RNF112: variants seen among roughly 807,000 people sequenced by gnomAD.
The protein encoded by RNF112 is ring finger protein 112.
In RNF112, 34 loss-of-function variants were observed where a neutral mutation model predicts 64.7. The ratio of observed to expected loss-of-function variants is 0.53; its 90% confidence interval spans 0.40 to 0.70. RNF112 has a LOEUF of 0.70. Ranked by LOEUF, RNF112 falls within the 30% of genes least tolerant of loss-of-function variation. RNF112 has a pLI of 0.00. For synonymous variants in RNF112, 345 were observed against 344.5 expected (o/e 1.00, Z -0.02); for missense variants, 734 against 850.0 (o/e 0.86, Z 1.70).
rs1462885102 is a variant in RNF112 at position 19,415,354 on chromosome 17, G to A, written c.1350+15G>A. ...CTCCGGATGAGGTATGAGCGCTGGG[G>A]GATCCAGCATTCTGGCAGGGAGACA... On this transcript the variant is annotated intron_variant, in intron 12 of 13. Coordinates refer to ENST00000461366, the MANE Select transcript of RNF112 (RefSeq NM_007148.5). This position sits in a 1 kb window ranked among gnomAD's most constrained non-coding sequence, Gnocchi z 7.8. 2 of 1,592,488 alleles carry A rather than the reference G, an allele frequency of 1.3e-6. No homozygotes were observed. Among genetic ancestry groups the A allele is most frequent in the Non-Finnish European group, 8.6e-7 (1 of 1,169,012 alleles).
Position 19,411,306 on chromosome 17 carries a change from G to GCAGCCTGCTAGCCTTT in RNF112, c.-101_-86dup. 8.9e-7 allele frequency: 1 copy of GCAGCCTGCTAGCCTTT among 1,118,284 alleles called. No individual in the cohort carries two copies. Among genetic ancestry groups the GCAGCCTGCTAGCCTTT allele is most frequent in the South Asian group, 1.4e-5 (1 of 70,380 alleles). 69.3% of individuals were successfully genotyped at this position (1,118,284 alleles called of 1,614,324 possible). A position where few individuals can be genotyped will look rare whatever the true frequency, so the allele number is the denominator to read the frequency against. ...CCCCCGACCTCACCTTCTACCTACCGCAGCCTGCTAGCCTTTCCGGGAGAA... is the reference window on the plus strand; with the variant it reads ...CCCCCGACCTCACCTTCTACCTACCGCAGCCTGCTAGCCTTTCAGCCTGCTAGCCTTTCCGGGAGAA... On this transcript the variant is annotated 5_prime_UTR_variant, in exon 1 of 14. Transcript: ENST00000461366.
chr17:19,411,859 G>T, intron 2 of RNF112, 189 bp downstream of exon 2: 1 of 647,332 alleles, frequency 1.5e-6, no homozygotes, highest in Non-Finnish European at 2.7e-6. Context: ...GCAGATGCCA[G>T]CTCAGAGCAG....
In RNF112 at chr17:19,413,583, G is replaced by T. The variant is rs762452627; in HGVS notation, c.727G>T (p.Val243Leu). 3.7e-6 allele frequency: 6 copies of T among 1,612,848 alleles called. No individual in the cohort carries two copies. The highest frequency in any genetic ancestry group is 5.1e-6 in the Non-Finnish European group (6 of 1,179,404). ...TTCCCTACCCCCTGCATAGGTGGCG[G>T]TGTTCCTGGTGGACACAGGGGATGC... ...LLGKEGKKVAVFLVDTGDAMS... is the reference protein window; with the variant it reads ...LLGKEGKKVALFLVDTGDAMS... The change falls in exon 6 of 14, where the codon GTG (valine) becomes TTG (leucine). Residue 243 changes from valine to leucine, a missense_variant. Coordinates refer to ENST00000461366, the MANE Select transcript of RNF112 (RefSeq NM_007148.5). This position sits in a 1 kb window ranked among gnomAD's most constrained non-coding sequence, Gnocchi z 5.9.
chr17:19,411,947 C>CT lies in RNF112; in HGVS notation c.95+278dup, dbSNP rs1442445267. ...GGCTGATGGCTTCTCCTCACTGTCCCTGTAGCATGGGGTTGTGGAGGGTAT... is the reference window on the plus strand; with the variant it reads ...GGCTGATGGCTTCTCCTCACTGTCCCTTGTAGCATGGGGTTGTGGAGGGTAT... On this transcript the variant is annotated intron_variant, in intron 2 of 13. Coordinates refer to ENST00000461366, the MANE Select transcript of RNF112 (RefSeq NM_007148.5). 8.8e-6 allele frequency: 5 copies of CT among 568,980 alleles called. No individual in the cohort carries two copies. The African/African-American group carries it at 9.4e-5, about 11-fold the overall frequency. 35.2% of individuals were successfully genotyped at this position (568,980 alleles called of 1,614,324 possible). A position where few individuals can be genotyped will look rare whatever the true frequency, so the allele number is the denominator to read the frequency against.
At position 19,413,383 on chromosome 17, in the gene RNF112, C is replaced by T; in HGVS notation, c.692C>T (p.Pro231Leu). The T allele has an allele frequency of 1.9e-6, 3 of 1,612,636 alleles. No homozygotes were observed. The highest frequency in any genetic ancestry group is 8.5e-7 in the Non-Finnish European group (1 of 1,179,164). ...LARGIWMWSHPFLLGKEGKKV... is the reference protein window; with the variant it reads ...LARGIWMWSHLFLLGKEGKKV... ...AGGGGCATATGGATGTGGAGCCACC[C>T]CTTCTTGCTGGGGAAAGAAGGGAAG... The change falls in exon 5 of 14, where the codon CCC (proline) becomes CTC (leucine). Residue 231 changes from proline to leucine, a missense_variant. Transcript: ENST00000461366. The surrounding 1 kb of genome is among the most constrained non-coding windows in gnomAD (Gnocchi z 5.9).
chr17:19,414,900 G>A lies in RNF112; in HGVS notation c.1126+13G>A, dbSNP rs1223280889. On this transcript the variant is annotated intron_variant, in intron 10 of 13. Coordinates refer to ENST00000461366, the MANE Select transcript of RNF112 (RefSeq NM_007148.5). ...GCAAGCCCTGGTGGTGAGTGTCTCT[G>A]AGAGCTGAACCTCTCTTGCGCTGCT... 1 of 1,612,094 alleles carries A rather than the reference G, an allele frequency of 6.2e-7. No homozygotes were observed. Among genetic ancestry groups the A allele is most frequent in the Non-Finnish European group, 8.5e-7 (1 of 1,179,158 alleles).
Position 19,414,663 on chromosome 17 carries a change from G to A in RNF112, c.1008+3G>A. 6.2e-7 allele frequency: 1 copy of A among 1,611,840 alleles called. No individual in the cohort carries two copies. Among genetic ancestry groups the A allele is most frequent in the Admixed American group, 1.7e-5 (1 of 60,008 alleles). ...GGCATGTAGGCAACATCTTCCAGGT[G>A]AGTGGTGCAAGGGGATGGGGTGGAG... On this transcript the variant is annotated splice_donor_region_variant and intron_variant, in intron 9 of 13. Coordinates refer to ENST00000461366, the MANE Select transcript of RNF112 (RefSeq NM_007148.5).
chr17:19,415,006 G>A lies in RNF112; in HGVS notation c.1127-32G>A, dbSNP rs780789664. On this transcript the variant is annotated intron_variant, in intron 10 of 13. Coordinates refer to ENST00000461366, the MANE Select transcript of RNF112 (RefSeq NM_007148.5). The surrounding 1 kb of genome is among the most constrained non-coding windows in gnomAD (Gnocchi z 7.8). ...GACACCCCTTCTCCTCCCAAAGCCCGCAGTCTCTCAGCATGCACATCTCTC... is the reference window on the plus strand; with the variant it reads ...GACACCCCTTCTCCTCCCAAAGCCCACAGTCTCTCAGCATGCACATCTCTC... 143 of 1,579,858 alleles carry A rather than the reference G, an allele frequency of 9.1e-5. No individual in the cohort carries two copies. Among genetic ancestry groups the A allele is most frequent in the Non-Finnish European group, 1.1e-4 (129 of 1,160,088 alleles).
chr17:19,412,644 T>A lies in RNF112; in HGVS notation c.242T>A (p.Phe81Tyr). 1 of 1,613,402 alleles carries A rather than the reference T, an allele frequency of 6.2e-7. No individual in the cohort carries two copies. Among genetic ancestry groups the A allele is most frequent in the Non-Finnish European group, 8.5e-7 (1 of 1,179,744 alleles). The part of the protein sequence containing the change: ...DCGHDFCIRC[F>Y]STHRLPGCEP... The stretch of plus-strand genomic sequence containing the variant: ...GGCCACGACTTCTGCATACGGTGCT[T>A]CAGCACACACCGTCTCCCGGGCTGT... The change falls in exon 3 of 14, where the codon TTC becomes TAC. Residue 81 changes from phenylalanine to tyrosine, a missense_variant. Physicochemically the swap from Phe to Tyr is conservative, Grantham distance 22 (BLOSUM62 3). Coordinates refer to ENST00000461366, the MANE Select transcript of RNF112 (RefSeq NM_007148.5). The surrounding 1 kb of genome is among the most constrained non-coding windows in gnomAD (Gnocchi z 5.1).
chr17:19,415,622 T>A lies in RNF112; in HGVS notation c.1425+30T>A. The A allele has an allele frequency of 1.9e-6, 3 of 1,608,822 alleles. No homozygotes were observed. The highest frequency in any genetic ancestry group is 2.5e-6 in the Non-Finnish European group (3 of 1,177,428). On this transcript the variant is annotated intron_variant, in intron 13 of 13. Coordinates refer to ENST00000461366, the MANE Select transcript of RNF112 (RefSeq NM_007148.5). This position sits in a 1 kb window ranked among gnomAD's most constrained non-coding sequence, Gnocchi z 7.8. ...GCCCCGGGGCTGCACGGGAGGCAGG[T>A]GTGGGCCGGGCAGGGTCCAGATCAG...
rs1221077125 is a variant in RNF112, at chr17:19,416,169, A to C, written c.1890A>C (p.Glu630Asp). The C allele has an allele frequency of 6.4e-7, 1 of 1,555,356 alleles. No individual in the cohort carries two copies. The highest frequency in any genetic ancestry group is 8.7e-7 in the Non-Finnish European group (1 of 1,150,000). Residue 630 changes from glutamate (E) to aspartate (D), a missense_variant, in exon 14 of 14, where the codon GAA (glutamate) becomes GAC (aspartate). Physicochemically the swap from Glu to Asp is conservative, Grantham distance 45 (BLOSUM62 2). Coordinates refer to ENST00000461366, the MANE Select transcript of RNF112 (RefSeq NM_007148.5). ...GGGACCGAGAGCCCCTTCTCCAGGA[A>C]GAGTAACAGCCCCAGGAGGTATTGA... is the stretch of plus-strand genomic sequence containing the variant. ...LEGDREPLLQEE is the reference protein window; with the variant it reads ...LEGDREPLLQDE
In RNF112 at chr17:19,415,703, A is replaced by G; in HGVS notation, c.1426-2A>G. On this transcript the variant is annotated splice_acceptor_variant, in intron 13 of 13. Transcript: ENST00000461366. LOFTEE classifies it high-confidence loss of function. The surrounding 1 kb of genome is among the most constrained non-coding windows in gnomAD (Gnocchi z 7.8). ...CACCTTCTTTTCCCCTCCCTGTCACAGGACGTAGCCACCAAGCGCATATTC... is the reference window on the plus strand; with the variant it reads ...CACCTTCTTTTCCCCTCCCTGTCACGGGACGTAGCCACCAAGCGCATATTC... 6.2e-7 allele frequency: 1 copy of G among 1,605,350 alleles called. No homozygotes were observed. The highest frequency in any genetic ancestry group is 8.5e-7 in the Non-Finnish European group (1 of 1,175,142).
At chr17:19,411,595 GTTC>G (rs1913656582) in intron 1 of RNF112, 32 bp from the exon 2 acceptor site, 2 of 1,510,172 alleles carry the variant, frequency 1.3e-6, no homozygotes, top group Non-Finnish European at 1.8e-6. Flanking sequence ...TCTGGATTAT[GTTC>G]TAAATCTTTT....
rs1310037799 is a variant in RNF112 at position 19,413,874 on chromosome 17, T to C, written c.825+193T>C. ...GTTATTCCTAAAAGTGGGCTGATGG[T>C]CCCAGGGGCAGCTGAAGACCTGATG... On this transcript the variant is annotated intron_variant, in intron 6 of 13. Transcript: ENST00000461366. The surrounding 1 kb of genome is among the most constrained non-coding windows in gnomAD (Gnocchi z 5.9). Among the ~76,000 whole-genome samples, 4 of 152,122 alleles carry C rather than the reference T, an allele frequency of 2.6e-5. No individual in the cohort carries two copies. Among genetic ancestry groups the C allele is most frequent in the African/African-American group, 9.7e-5 (4 of 41,410 alleles).
At chr17:19,411,981 G>C in intron 2 of RNF112, 1 of 517,390 alleles carries the variant, frequency 1.9e-6, no homozygotes, top group East Asian at 3.3e-5. Context: ...ATCATCCCTG[G>C]GGGCCTGGCT....
chr17:19,412,772 C>T lies in RNF112; in HGVS notation c.370C>T (p.Pro124Ser), dbSNP rs774004845. Residue 124 changes from proline to serine, a missense_variant, in exon 3 of 14, where the codon CCT (proline) becomes TCT (serine). Coordinates refer to ENST00000461366, the MANE Select transcript of RNF112 (RefSeq NM_007148.5). The surrounding 1 kb of genome is among the most constrained non-coding windows in gnomAD (Gnocchi z 5.1). ...GCTCCTGCCGCAGCGGCCGCTGCCC[C>T]CTGCACTGCAGGTCTGGGGACTGGG... ...MKLLPQRPLP[P>S]ALQETCPVRA... 1.2e-6 allele frequency: 2 copies of T among 1,611,720 alleles called. No homozygotes were observed. The highest frequency in any genetic ancestry group is 1.7e-6 in the Non-Finnish European group (2 of 1,179,456).
rs1913843452 is a variant in RNF112, at chr17:19,415,387, C to A, written c.1350+48C>A. 3 of 1,557,844 alleles carry A rather than the reference C, an allele frequency of 1.9e-6. No individual in the cohort carries two copies. Among genetic ancestry groups the A allele is most frequent in the East Asian group, 4.6e-5 (2 of 43,158 alleles). On this transcript the variant is annotated intron_variant, in intron 12 of 13. Coordinates refer to ENST00000461366, the MANE Select transcript of RNF112 (RefSeq NM_007148.5). This position sits in a 1 kb window ranked among gnomAD's most constrained non-coding sequence, Gnocchi z 7.8. ...CATTCTGGCAGGGAGACAGGGGAGG[C>A]AGGGAGGTGGGGGCTGTGCCGAGGC...
Position 19,412,943 on chromosome 17 carries a change from G to T in RNF112, c.387G>T (p.Thr129=). Residue 129 remains threonine (T), a synonymous_variant, in exon 4 of 14, where the codon ACG becomes ACT. Transcript: ENST00000461366. This position sits in a 1 kb window ranked among gnomAD's most constrained non-coding sequence, Gnocchi z 5.1. ...QRPLPPALQE[T]CPVRAEPLLL... ...CCTCTCTTCTCCTGGCCCAGGAGAC[G>T]TGTCCTGTGAGGGCGGAGCCGCTGC... 1 of 1,589,574 alleles carries T rather than the reference G, an allele frequency of 6.3e-7. No homozygotes were observed. Among genetic ancestry groups the T allele is most frequent in the Non-Finnish European group, 8.6e-7 (1 of 1,167,948 alleles).
At chr17:19,414,222 C>T (rs1409503192) in intron 7 of RNF112, 77 bp downstream of exon 7, 1 of 1,368,374 alleles carries the variant, frequency 7.3e-7, no homozygotes, top group Non-Finnish European at 1.0e-6. Context: ...GAACTAGGTG[C>T]CCTCCTGGTC....
Sources: gnomAD v4.1 joint callset for allele counts (sites outside exome capture counted in the v4.1 genomes callset) on GRCh38, gnomAD v4.1.1 for gene constraint, Gnocchi (gnomAD v3.1) non-coding constraint, MANE v1.5 for transcripts, NCBI Gene and HGNC (gene_info 2026-07-23, HGNC 2026-07-21) for gene names.